Variants in C4BPB observed in about 807,000 individuals in gnomAD.
C4BPB encodes the protein complement component 4 binding protein beta, also known as C4b-binding protein beta chain.
A neutral mutation model predicts 26.6 loss-of-function variants in C4BPB; 19 were observed. The observed-to-expected ratio is 0.71, with a 90% CI of 0.50 to 1.05. The LOEUF is 1.05. Among genes scored for constraint, C4BPB ranks in the 50% least tolerant of loss-of-function variants. The pLI is 0.00. For missense variants in C4BPB, 282 were observed against 302.9 expected (o/e 0.93, Z 0.51); for synonymous variants, 118 against 103.5 (o/e 1.14, Z -0.85).
At chr1:207,097,872 C>A (rs944782347) in intron 5 of C4BPB, 1 of 275,504 alleles carries the variant, frequency 3.6e-6, no homozygotes, top group East Asian at 7.4e-5. Context: ...ACTCTCCCCA[C>A]CCAAAACCTG....
Position 207,091,947 on chromosome 1 carries a change from A to T in C4BPB, c.409+127A>T. On this transcript the variant is annotated intron_variant, in intron 4 of 6. Transcript: ENST00000367078. Reference sequence around the variant, plus strand: ...CAGAGACAGGCTTAAGATCTAGCAGACAGCCATGAAACAAGTGGAGCTCAC... The same window carrying T: ...CAGAGACAGGCTTAAGATCTAGCAGTCAGCCATGAAACAAGTGGAGCTCAC... 5.2e-6 allele frequency: 4 copies of T among 767,508 alleles called. No homozygotes were observed. The South Asian group carries it at 7.9e-5, about 15-fold the overall frequency. The allele number at this position is 767,508 out of a possible 1,614,324, so 47.5% of individuals were successfully genotyped here.
rs1392106049 is a variant in C4BPB at position 207,090,450 on chromosome 1, G to A, written c.201G>A (p.Lys67=). Residue 67 remains lysine, a synonymous_variant, in exon 3 of 7, where the codon AAG becomes AAA. Transcript: ENST00000367078. The part of the protein sequence containing the change: ...GKKTLFCNAS[K]EWDNTTTECR... ...AGACCCTTTTTTGCAATGCCTCTAA[G>A]GAGTGGGATAACACCACTACTGAGT... is the stretch of plus-strand genomic sequence containing the variant. The A allele has an allele frequency of 1.2e-6, 2 of 1,613,810 alleles. No individual in the cohort carries two copies.
Position 207,089,512 on chromosome 1 carries a change from G to T in C4BPB, c.-20G>T, listed in dbSNP as rs1316991316. 6.2e-7 allele frequency: 1 copy of T among 1,613,514 alleles called. No homozygotes were observed. The highest frequency in any genetic ancestry group is 8.5e-7 in the Non-Finnish European group (1 of 1,179,454). ...TGAGCTGGGTGAATTCCAGCCTGGG[G>T]AGAGGACTTTGATCACCAGATGTTT... On this transcript the variant is annotated 5_prime_UTR_variant, in exon 2 of 7. Transcript: ENST00000367078.
chr1:207,091,586 T>C (rs1684025793), intron 3 of C4BPB, 58 bp from the exon 4 acceptor site: 2 of 1,465,058 alleles, frequency 1.4e-6, no homozygotes, highest in East Asian at 4.5e-5. Context: ...AGGTCTGGCC[T>C]TTGCTGTGTT....
At position 207,089,751 on chromosome 1, in the gene C4BPB, C is replaced by A. The variant is rs990153023; in HGVS notation, c.58+162C>A. The stretch of plus-strand genomic sequence containing the variant: ...CCTAATGCTCTGCACTCAATAGGAG[C>A]TTAGTGTACATTTAATGATAACCCT... On this transcript the variant is annotated intron_variant, in intron 2 of 6. Coordinates refer to ENST00000367078, the MANE Select transcript of C4BPB (RefSeq NM_001017365.3). Among the ~76,000 whole-genome samples the A allele has an allele frequency of 2.6e-5, 4 of 152,202 alleles. No homozygotes were observed. In the East Asian group the frequency reaches 5.8e-4, roughly 22 times the overall value.
chr1:207,090,386 C>T lies in C4BPB; in HGVS notation c.137C>T (p.Thr46Ile), dbSNP rs749024298. The T allele has an allele frequency of 2.0e-5, 33 of 1,613,844 alleles. No individual in the cohort carries two copies. In the East Asian group the frequency reaches 6.9e-4, roughly 34 times the overall value. Residue 46 changes from threonine (T) to isoleucine (I), a missense_variant, in exon 3 of 7, where the codon ACT becomes ATT. Thr to Ile is a moderately conservative substitution (Grantham distance 89). Coordinates refer to ENST00000367078, the MANE Select transcript of C4BPB (RefSeq NM_001017365.3). ...GAGGTGGAAGGACAGATTCTGGGGA[C>T]TTACGTTTGTATCAAGGGCTACCAC... ...AKEVEGQILG[T>I]YVCIKGYHLV... is the part of the protein sequence containing the mutation.
At chr1:207,094,127 G>A (rs879479430) in intron 4 of C4BPB, among the ~76,000 whole-genome samples, 1 of 152,072 alleles carries the variant, frequency 6.6e-6, no homozygotes, top group Non-Finnish European at 1.5e-5. Context: ...AGCCATTTAC[G>A]TCAGTGAGAG....
intron 2 of C4BPB, 101 bp downstream of exon 2, chr1:207,089,690 A>G: frequency 1.0e-6 from 1 of 954,850 alleles, no homozygotes; most frequent in East Asian, 2.5e-5. Flanking sequence ...TACATTTATA[A>G]TATCTTTATT....
rs188656684 is a variant in C4BPB, at chr1:207,089,567, G to A, written c.36G>A (p.Ala12=). 12 of 1,613,918 alleles carry A rather than the reference G, an allele frequency of 7.4e-6. No individual in the cohort carries two copies. The highest frequency in any genetic ancestry group is 1.1e-5 in the South Asian group (1 of 91,078). ...FFWCACCLMV[A]WRVSASDAEH... is the part of the protein sequence containing the mutation. ...GGTGTGCGTGCTGTCTTATGGTTGC[G>A]TGGCGAGTTTCTGCTTCAGATGGTA... The change falls in exon 2 of 7, where the codon GCG becomes GCA. Residue 12 remains alanine, a synonymous_variant. Coordinates refer to ENST00000367078, the MANE Select transcript of C4BPB (RefSeq NM_001017365.3).
At chr1:207,096,883 T>C (rs890247866) in intron 5 of C4BPB, among the ~76,000 whole-genome samples, 2 of 152,154 alleles carry the variant, frequency 1.3e-5, no homozygotes, top group African/African-American at 4.8e-5. Context: ...TTAAAATGAA[T>C]GGATTTGGCT....
At chr1:207,090,206 G>T (rs1366096170) in intron 2 of C4BPB, 102 bp from the exon 3 acceptor site, 3 of 923,380 alleles carry the variant, frequency 3.2e-6, no homozygotes, top group African/African-American at 3.4e-5. Context: ...CAGGAATCAG[G>T]ATCAATAATC....
Position 207,092,866 on chromosome 1 carries a change from C to G in C4BPB, c.409+1046C>G, listed in dbSNP as rs1448708337. Among the ~76,000 whole-genome samples the G allele has an allele frequency of 2.6e-5, 4 of 152,132 alleles. No individual in the cohort carries two copies. In the East Asian group the frequency reaches 7.7e-4, roughly 29 times the overall value. On this transcript the variant is annotated intron_variant, in intron 4 of 6. Coordinates refer to ENST00000367078, the MANE Select transcript of C4BPB (RefSeq NM_001017365.3). The stretch of plus-strand genomic sequence containing the variant: ...GGTCTTGAACTCCTGATCTCGTGAT[C>G]CACCCACCTCGGCCTCCTAAAGTGC...
intron 4 of C4BPB, among the ~76,000 whole-genome samples, chr1:207,093,506 A>G (rs1684124933): frequency 6.6e-6 from 1 of 152,310 alleles, no homozygotes; most frequent in South Asian, 2.1e-4. Context: ...AGTAGAACAG[A>G]TTAAGTCAGG....
rs745500115 is a variant in C4BPB, at chr1:207,099,922, T to A, written c.752T>A (p.Leu251Ter). The A allele has an allele frequency of 5.6e-6, 9 of 1,612,812 alleles. No homozygotes were observed. The highest frequency in any genetic ancestry group is 5.0e-5 in the Admixed American group (3 of 59,742). ...AAGAAAGCTGAGTTGAAGGCAAAATTGTTGTAACACTACAGCTGAGCAGAT... is the reference window on the plus strand; with the variant it reads ...AAGAAAGCTGAGTTGAAGGCAAAATAGTTGTAACACTACAGCTGAGCAGAT... ...ELKKAELKAK[L>*]L The change falls in exon 7 of 7, where the codon TTG becomes TAG. Residue 251 changes from leucine (L) to a stop codon, truncating the protein, a stop_gained. Transcript: ENST00000367078. LOFTEE classifies it high-confidence loss of function.
intron 4 of C4BPB, chr1:207,095,810 G>A (rs1684226347): frequency 1.0e-5 from 2 of 195,798 alleles, no homozygotes; most frequent in South Asian, 8.6e-5. Context: ...TCATGACAGC[G>A]AGTGAGTTCT....
chr1:207,095,762 TCATGAATGGTCTAGCAC>T (rs1317762099), intron 4 of C4BPB: 4 of 312,432 alleles, frequency 1.3e-5, no homozygotes, highest in Non-Finnish European at 2.5e-5. Flanking sequence ...GGTGGATTTC[TCATGAATGGTCTAGCAC>T]CATCTCCCTA....
chr1:207,098,017 T>C lies in C4BPB; in HGVS notation c.504-133T>C, dbSNP rs878932129. 27 of 696,618 alleles carry C rather than the reference T, an allele frequency of 3.9e-5. No homozygotes were observed. In the South Asian group the frequency reaches 4.6e-4, roughly 12 times the overall value. 43.2% of individuals were successfully genotyped at this position (696,618 alleles called of 1,614,324 possible). A position where few individuals can be genotyped will look rare whatever the true frequency, so the allele number is the denominator to read the frequency against. On this transcript the variant is annotated intron_variant, in intron 5 of 6. Coordinates refer to ENST00000367078, the MANE Select transcript of C4BPB (RefSeq NM_001017365.3). ...TTGTAATACCGAGATAACTTAAGCA[T>C]GCATTGAGGCTCAAGGGCAGGGAGG...
chr1:207,093,324 A>C (rs556202995), intron 4 of C4BPB, among the ~76,000 whole-genome samples: 2 of 152,226 alleles, frequency 1.3e-5, no homozygotes, highest in African/African-American at 4.8e-5. Flanking sequence ...AACATTGTAA[A>C]TATTTTTGGG....
At chr1:207,091,864 A>G (rs1210600257) in intron 4 of C4BPB, 44 bp downstream of exon 4, 1 of 1,511,260 alleles carries the variant, frequency 6.6e-7, no homozygotes. Flanking sequence ...AATACTGATT[A>G]GTAGTCTAAA....
Sources: allele counts gnomAD v4.1 joint callset (sites outside exome capture counted in the v4.1 genomes callset), GRCh38; gene constraint gnomAD v4.1.1; transcripts MANE v1.5; gene names NCBI Gene and HGNC (gene_info 2026-07-23, HGNC 2026-07-21).